The following ERBB4 variants were observed in gnomAD, a reference collection of about 807,000 sequenced individuals.
ERBB4 encodes the protein receptor tyrosine-protein kinase erbB-4.
In ERBB4, 42 loss-of-function variants were observed where a neutral mutation model predicts 158.0. That is an observed-to-expected ratio of 0.27 (90% CI 0.21 to 0.34). The LOEUF is 0.34. Among genes scored for constraint, ERBB4 ranks in the 10% least tolerant of loss-of-function variants. The pLI is 1.00. For missense variants in ERBB4, 1,333 were observed against 1,624.1 expected (o/e 0.82, Z 3.08); for synonymous variants, 583 against 558.7 (o/e 1.04, Z -0.61).
At chr2:212,192,599 G>T (rs1313579408) in intron 1 of ERBB4, among the ~76,000 whole-genome samples, 1 of 152,094 alleles carries the variant, frequency 6.6e-6, no homozygotes, top group Non-Finnish European at 1.5e-5. Flanking sequence ...GAACAATAAT[G>T]CCTTTGGTCT....
chr2:211,714,026 T>C (rs894826175), intron 7 of ERBB4, among the ~76,000 whole-genome samples: 2 of 152,204 alleles, frequency 1.3e-5, no homozygotes, highest in Non-Finnish European at 2.9e-5. Flanking sequence ...GAAGCACAAA[T>C]GAAGCTTAAG....
chr2:211,803,096 C>T (rs1257171737), intron 3 of ERBB4, among the ~76,000 whole-genome samples: 3 of 152,208 alleles, frequency 2.0e-5, no homozygotes, highest in Non-Finnish European at 4.4e-5. Context: ...CTTATTCCCT[C>T]AACTTTGCTA....
chr2:212,340,095 G>A (rs1252378517), intron 1 of ERBB4, among the ~76,000 whole-genome samples: 1 of 150,986 alleles, frequency 6.6e-6, no homozygotes, highest in East Asian at 1.9e-4. Flanking sequence ...AAGTGCAGTG[G>A]AGTGACCAAG....
At chr2:212,420,116 A>G (rs2091760144) in intron 1 of ERBB4, among the ~76,000 whole-genome samples, 2 of 152,068 alleles carry the variant, frequency 1.3e-5, no homozygotes, top group African/African-American at 4.8e-5. Flanking sequence ...GATCATTGTG[A>G]TATGTATTTT....
intron 12 of ERBB4, among the ~76,000 whole-genome samples, chr2:211,682,824 C>T (rs778383865): frequency 6.6e-6 from 1 of 151,942 alleles, no homozygotes; most frequent in African/African-American, 2.4e-5. Flanking sequence ...TTATTCCAAT[C>T]TGATAATCTC....
chr2:211,705,518 T>A, intron 9 of ERBB4, 127 bp from the exon 10 acceptor site: 2 of 704,636 alleles, frequency 2.8e-6, no homozygotes, highest in Non-Finnish European at 5.1e-6. Flanking sequence ...AATGCATGTT[T>A]AAATTAATCT....
At chr2:212,356,549 A>T (rs1030325310) in intron 1 of ERBB4, among the ~76,000 whole-genome samples, 15 of 151,998 alleles carry the variant, frequency 9.9e-5, no homozygotes, top group Non-Finnish European at 1.9e-4. Context: ...TGATCTTCAT[A>T]ATTTATCACA....
rs558198450 is a variant in ERBB4 at position 212,045,167 on chromosome 2, G to A, written c.234+79585C>T. On this transcript the variant is annotated intron_variant, in intron 2 of 27. Coordinates refer to ENST00000342788, the MANE Select transcript of ERBB4 (RefSeq NM_005235.3). The stretch of plus-strand genomic sequence containing the variant: ...TATGGCAATTAAATATACTACGTGA[G>A]AATAAAACTAGGCTGGGTGCAGTGG... 5.3e-5 allele frequency among the ~76,000 whole-genome samples: 8 copies of A among 152,290 alleles called. No individual in the cohort carries two copies. The South Asian group carries it at 1.7e-3, about 32-fold the overall frequency.
chr2:211,582,016 A>T (rs772734096), intron 19 of ERBB4, among the ~76,000 whole-genome samples: 2 of 152,078 alleles, frequency 1.3e-5, no homozygotes, highest in Non-Finnish European at 2.9e-5. Flanking sequence ...TCTCAAAAAA[A>T]AAAATTAATT....
At chr2:212,238,810 T>G (rs1463709553) in intron 1 of ERBB4, among the ~76,000 whole-genome samples, 7 of 152,022 alleles carry the variant, frequency 4.6e-5, no homozygotes, top group Non-Finnish European at 1.0e-4. Flanking sequence ...ATTTTTTTTT[T>G]GTTTTTGTTT....
intron 1 of ERBB4, among the ~76,000 whole-genome samples, chr2:212,189,203 G>T (rs1030921406): frequency 6.6e-6 from 1 of 151,898 alleles, no homozygotes; most frequent in Non-Finnish European, 1.5e-5. Context: ...CATTCAAAAA[G>T]TTTTGAATTT....
At chr2:211,481,609 A>G (rs2065085985) in intron 20 of ERBB4, among the ~76,000 whole-genome samples, 1 of 151,682 alleles carries the variant, frequency 6.6e-6, no homozygotes, top group Non-Finnish European at 1.5e-5. Flanking sequence ...ATATGAATAT[A>G]TGATCATGGT....
chr2:212,412,466 G>A (rs111984561), intron 1 of ERBB4, among the ~76,000 whole-genome samples: 2,498 of 152,176 alleles, frequency 0.016, 26 homozygotes, highest in Non-Finnish European at 0.023. Flanking sequence ...GCCATATGAC[G>A]TGCCTATTCC....
intron 1 of ERBB4, among the ~76,000 whole-genome samples, chr2:212,243,094 C>T (rs952611899): frequency 2.6e-5 from 4 of 152,084 alleles, no homozygotes; most frequent in African/African-American, 9.7e-5. Context: ...TCTGTTATGC[C>T]ATTTTCTTGT....
chr2:212,400,876 A>G (rs1198297121), intron 1 of ERBB4, among the ~76,000 whole-genome samples: 1 of 152,162 alleles, frequency 6.6e-6, no homozygotes, highest in African/African-American at 2.4e-5. Flanking sequence ...ATTTTTTGTT[A>G]AAACTCTTAG....
In ERBB4 at chr2:211,699,565, T is replaced by C. The variant is rs1006705936; in HGVS notation, c.1489+2402A>G. On this transcript the variant is annotated intron_variant, in intron 12 of 27. Transcript: ENST00000342788. The stretch of plus-strand genomic sequence containing the variant: ...TCCAAATTTTGATAAATGAATTTCA[T>C]GCAAAATACATTTATTCTAAGACGT... 8.5e-5 allele frequency among the ~76,000 whole-genome samples: 13 copies of C among 152,264 alleles called. No individual in the cohort carries two copies. The East Asian group carries it at 1.9e-3, about 23-fold the overall frequency.
intron 1 of ERBB4, among the ~76,000 whole-genome samples, chr2:212,192,647 A>C (rs2082307904): frequency 5.3e-5 from 8 of 152,146 alleles, no homozygotes; most frequent in Admixed American, 5.2e-4. Flanking sequence ...TATCATGGAC[A>C]AAGGCCACAT....
intron 20 of ERBB4, among the ~76,000 whole-genome samples, chr2:211,500,662 A>G (rs937731661): frequency 5.9e-5 from 9 of 152,082 alleles, no homozygotes; most frequent in African/African-American, 2.2e-4. Flanking sequence ...TGTTGAGAAT[A>G]AGAAAAGATC....
At chr2:211,801,362 T>A (rs2076494172) in intron 3 of ERBB4, among the ~76,000 whole-genome samples, 1 of 152,168 alleles carries the variant, frequency 6.6e-6, no homozygotes, top group Non-Finnish European at 1.5e-5. Context: ...AACTGAAATA[T>A]CTTCTTGAAA....
Sources: gnomAD v4.1 joint callset for allele counts (sites outside exome capture counted in the v4.1 genomes callset) on GRCh38, gnomAD v4.1.1 for gene constraint, MANE v1.5 for transcripts, NCBI Gene and HGNC (gene_info 2026-07-23, HGNC 2026-07-21) for gene names.